The following GSG1L variants were observed in gnomAD, a reference collection of about 807,000 sequenced individuals.
GSG1L encodes GSG1 like, also known as germ cell-specific gene 1-like protein.
In GSG1L, 24 loss-of-function variants were observed where a neutral mutation model predicts 42.1. The observed-to-expected ratio is 0.57, with a 90% confidence interval of 0.41 to 0.80. GSG1L has a LOEUF of 0.80. Among genes scored for constraint, GSG1L ranks in the 30% least tolerant of loss-of-function variants. GSG1L has a pLI of 0.00. For missense variants in GSG1L, 445 were observed against 472.2 expected (o/e 0.94, Z 0.53); for synonymous variants, 215 against 203.5 (o/e 1.06, Z -0.48).
At chr16:27,981,640 A>G (rs2085327820) in intron 1 of GSG1L, among the ~76,000 whole-genome samples, 1 of 152,206 alleles carries the variant, frequency 6.6e-6, no homozygotes, top group Admixed American at 6.5e-5. Flanking sequence ...GCAGGAGTCC[A>G]AAATGCAGGT....
At chr16:28,056,727 A>T (rs1236729648) in intron 1 of GSG1L, among the ~76,000 whole-genome samples, 1 of 152,104 alleles carries the variant, frequency 6.6e-6, no homozygotes, top group Admixed American at 6.5e-5. Context: ...GTGTCAGCTC[A>T]TCTAGGCTCT....
In GSG1L at chr16:28,008,437, G is replaced by A. The variant is rs115686621; in HGVS notation, c.350-45234C>T. 4.3e-3 allele frequency among the ~76,000 whole-genome samples: 656 copies of A among 152,244 alleles called. 3 individuals carry two copies. The highest frequency in any genetic ancestry group is 0.015 in the African/African-American group (625 of 41,538). On this transcript the variant is annotated intron_variant, in intron 1 of 6. Transcript: ENST00000447459. ...TCTTCCTTGGCCTCTTGAACCTTGTGCCATCCCTCCTGAAGTTAAGAGGGG... is the reference window on the plus strand; with the variant it reads ...TCTTCCTTGGCCTCTTGAACCTTGTACCATCCCTCCTGAAGTTAAGAGGGG...
chr16:27,964,482 C>G (rs1297373728), intron 1 of GSG1L, among the ~76,000 whole-genome samples: 1 of 152,098 alleles, frequency 6.6e-6, no homozygotes, highest in Non-Finnish European at 1.5e-5. Context: ...TTGTATTTAT[C>G]AATTGTGGAT....
intron 1 of GSG1L, among the ~76,000 whole-genome samples, chr16:27,996,730 A>C (rs1411123291): frequency 6.6e-6 from 1 of 152,238 alleles, no homozygotes; most frequent in Non-Finnish European, 1.5e-5. Context: ...CAAACAAAAC[A>C]TAATGGCTAA....
chr16:28,049,023 T>C (rs1400553832), intron 1 of GSG1L, among the ~76,000 whole-genome samples: 2 of 152,140 alleles, frequency 1.3e-5, no homozygotes, highest in African/African-American at 2.4e-5. Context: ...GGCCTGAGGA[T>C]GCGCAGTCTC....
chr16:27,876,348 G>T (rs2083886728), intron 3 of GSG1L, among the ~76,000 whole-genome samples: 1 of 152,128 alleles, frequency 6.6e-6, no homozygotes, highest in African/African-American at 2.4e-5. Flanking sequence ...CACAATAAGA[G>T]TAAGCTCCAA....
chr16:28,015,366 G>C (rs756840869), intron 1 of GSG1L, among the ~76,000 whole-genome samples: 2 of 152,218 alleles, frequency 1.3e-5, no homozygotes, highest in African/African-American at 4.8e-5. Context: ...TTAGCCAGCT[G>C]TGTCGGTGCA....
In GSG1L at chr16:27,995,625, G is replaced by A. The variant is rs146735154; in HGVS notation, c.350-32422C>T. On this transcript the variant is annotated intron_variant, in intron 1 of 6. Coordinates refer to ENST00000447459, the MANE Select transcript of GSG1L (RefSeq NM_001109763.2). ...CCACAAAGATAATTGTCTCCCCCAA[G>A]GTTAAAAGGGCCAGGCAGAAGAGAA... Among the ~76,000 whole-genome samples the A allele has an allele frequency of 3.0e-3, 461 of 152,130 alleles. 1 individual carries two copies. Among genetic ancestry groups the A allele is most frequent in the African/African-American group, 0.011 (437 of 41,528 alleles).
chr16:28,000,610 T>C lies in GSG1L; in HGVS notation c.350-37407A>G, dbSNP rs561941196. Among the ~76,000 whole-genome samples the C allele has an allele frequency of 4.5e-4, 68 of 152,250 alleles. No individual in the cohort carries two copies. In the South Asian group the frequency reaches 0.014, roughly 31 times the overall value. On this transcript the variant is annotated intron_variant, in intron 1 of 6. Coordinates refer to ENST00000447459, the MANE Select transcript of GSG1L (RefSeq NM_001109763.2). The stretch of plus-strand genomic sequence containing the variant: ...GTGCAAGAGGGGAAATGAAATCTAT[T>C]TTTTTAAATGAGCACCAGATGAAGC...
chr16:28,055,430 C>T (rs150145837), intron 1 of GSG1L, among the ~76,000 whole-genome samples: 434 of 151,920 alleles, frequency 2.9e-3, no homozygotes, highest in African/African-American at 9.9e-3. Flanking sequence ...AGCCATTGTG[C>T]CGAGCTAGCA....
chr16:28,010,337 G>C (rs2085701160), intron 1 of GSG1L, among the ~76,000 whole-genome samples: 1 of 152,188 alleles, frequency 6.6e-6, no homozygotes, highest in South Asian at 2.1e-4. Flanking sequence ...GACCCCAAAT[G>C]CAGAGGCAGG....
intron 2 of GSG1L, among the ~76,000 whole-genome samples, chr16:27,913,754 A>ATTTAC (rs10690360): frequency 0.016 from 2,477 of 152,286 alleles, 66 homozygotes; most frequent in African/African-American, 0.057. Flanking sequence ...CTATCCAGAT[A>ATTTAC]TTTACTTTCT....
chr16:27,794,013 G>T (rs777557471), intron 6 of GSG1L, among the ~76,000 whole-genome samples: 59 of 125,662 alleles, frequency 4.7e-4, no homozygotes, highest in Admixed American at 9.1e-4. Context: ...CTGTTTTTTT[G>T]TTTGTTTGTT....
intron 1 of GSG1L, among the ~76,000 whole-genome samples, chr16:28,011,739 A>G (rs1389656225): frequency 6.6e-6 from 1 of 152,164 alleles, no homozygotes; most frequent in African/African-American, 2.4e-5. Flanking sequence ...AACTGTCTAG[A>G]GGGATTCTGG....
At chr16:27,999,944 C>T (rs142495393) in intron 1 of GSG1L, among the ~76,000 whole-genome samples, 327 of 152,260 alleles carry the variant, frequency 2.1e-3, no homozygotes, top group Middle Eastern at 6.8e-3. Flanking sequence ...GTGCAAAGGA[C>T]GCTGGGAAAT....
intron 3 of GSG1L, among the ~76,000 whole-genome samples, chr16:27,852,026 A>G (rs2083520471): frequency 6.6e-6 from 1 of 152,222 alleles, no homozygotes; most frequent in African/African-American, 2.4e-5. Context: ...TCCCTTTGAC[A>G]GGGTTTGGAT....
intron 2 of GSG1L, among the ~76,000 whole-genome samples, chr16:27,958,221 T>C (rs1487430897): frequency 1.3e-5 from 2 of 151,698 alleles, no homozygotes; most frequent in Non-Finnish European, 2.9e-5. Flanking sequence ...CCTGACCAAA[T>C]TGGTGAAACC....
chr16:28,061,028 C>T (rs2086333654), intron 1 of GSG1L, among the ~76,000 whole-genome samples: 1 of 152,146 alleles, frequency 6.6e-6, no homozygotes, highest in Admixed American at 6.5e-5. Context: ...CCAGGACACT[C>T]CACAGAGGTA....
chr16:27,964,037 A>G (rs945964820), intron 1 of GSG1L, among the ~76,000 whole-genome samples: 3 of 152,208 alleles, frequency 2.0e-5, no homozygotes, highest in Non-Finnish European at 2.9e-5. Context: ...TTAATGTTAC[A>G]TTGTTTCCTC....
Sources: allele counts gnomAD v4.1 joint callset (sites outside exome capture counted in the v4.1 genomes callset), GRCh38; gene constraint gnomAD v4.1.1; transcripts MANE v1.5; gene names NCBI Gene and HGNC (gene_info 2026-07-23, HGNC 2026-07-21).